Variants in POU3F3 observed in about 807,000 individuals in gnomAD.
POU3F3 encodes POU class 3 homeobox 3.
POU3F3 carries 1 observed loss-of-function variant against 8.6 expected under a neutral mutation model. The ratio of observed to expected loss-of-function variants is 0.12; its 90% CI spans 0.04 to 0.55. The LOEUF is 0.55. Among genes scored for constraint, POU3F3 ranks in the 20% least tolerant of loss-of-function variants. The pLI is 0.91. For missense variants in POU3F3, 577 were observed against 690.7 expected (o/e 0.84, Z 1.84); for synonymous variants, 418 against 327.4 (o/e 1.28, Z -2.99).
the POU3F3 span, among the ~76,000 whole-genome samples, chr2:104,927,407 A>G: frequency 6.6e-6 from 1 of 152,128 alleles, no homozygotes; most frequent in Non-Finnish European, 1.5e-5. Context: ...AAGGGGGTAG[A>G]GAGAGAAAAG....
the POU3F3 span, among the ~76,000 whole-genome samples, chr2:104,924,846 C>A: frequency 2.0e-5 from 3 of 152,090 alleles, 1 homozygote; most frequent in Non-Finnish European, 4.4e-5. Flanking sequence ...CAAAATTTTG[C>A]CAGTTTGTAA....
At chr2:104,875,496 C>T in the POU3F3 span, among the ~76,000 whole-genome samples, 4 of 152,184 alleles carry the variant, frequency 2.6e-5, no homozygotes, top group Admixed American at 6.5e-5. Context: ...CACCAACACA[C>T]CAACACTTGT....
At chr2:104,877,979 A>G in the POU3F3 span, among the ~76,000 whole-genome samples, 1 of 152,176 alleles carries the variant, frequency 6.6e-6, no homozygotes, top group Non-Finnish European at 1.5e-5. Flanking sequence ...TAAGCTGTAC[A>G]ATGACCCTTC....
At chr2:104,878,056 G>A in the POU3F3 span, among the ~76,000 whole-genome samples, 1 of 152,198 alleles carries the variant, frequency 6.6e-6, no homozygotes, top group Non-Finnish European at 1.5e-5. Context: ...CCTCCTGGAT[G>A]CTGGCAGTTA....
At chr2:104,878,143 G>T in the POU3F3 span, among the ~76,000 whole-genome samples, 3 of 152,184 alleles carry the variant, frequency 2.0e-5, no homozygotes, top group African/African-American at 4.8e-5. Flanking sequence ...GGCTGAATTG[G>T]CTGGTTTCTA....
chr2:104,855,905 G>T lies in POU3F3; in HGVS notation c.395G>T (p.Ser132Ile). Reference sequence around the variant, plus strand: ...GGCAGCGCCGTGGGCATGGCTGGCAGCCCCCAGCAGCCACCGCAGCCGCCG... The same window carrying T: ...GGCAGCGCCGTGGGCATGGCTGGCATCCCCCAGCAGCCACCGCAGCCGCCG... ...WSGSAVGMAG[S>I]PQQPPQPPPP... The change falls in exon 1 of 1, where the codon AGC (serine) becomes ATC (isoleucine). Residue 132 changes from serine to isoleucine, a missense_variant. Physicochemically the swap from Ser to Ile is moderately radical, Grantham distance 142. Transcript: ENST00000361360. The T allele has an allele frequency of 9.4e-7, 1 of 1,058,678 alleles. No individual in the cohort carries two copies. The highest frequency in any genetic ancestry group is 1.1e-6 in the Non-Finnish European group (1 of 880,322). 65.6% of individuals were successfully genotyped at this position (1,058,678 alleles called of 1,614,324 possible).
At chr2:104,886,677 G>A in the POU3F3 span, among the ~76,000 whole-genome samples, 1 of 152,172 alleles carries the variant, frequency 6.6e-6, no homozygotes, top group Non-Finnish European at 1.5e-5. Flanking sequence ...AGAGGCTGAG[G>A]TAGGTGGATC....
chr2:104,869,083 G>A, the POU3F3 span, among the ~76,000 whole-genome samples: 4 of 152,234 alleles, frequency 2.6e-5, no homozygotes, highest in Non-Finnish European at 5.9e-5. Flanking sequence ...AACCTCAGTG[G>A]AATGAAATGG....
Position 104,857,202 on chromosome 2 carries a change from GGCATGC to G in POU3F3, c.*190_*195del. ...CCGCCCTCCCCTCCACCCAGAGACA[GGCATGC>G]CCGCCCTTGGAGGAGAAAACGCGGG... On this transcript the variant is annotated 3_prime_UTR_variant, in exon 1 of 1. Transcript: ENST00000361360. The G allele has an allele frequency of 1.7e-6, 1 of 586,098 alleles. No individual in the cohort carries two copies. The highest frequency in any genetic ancestry group is 2.2e-6 in the Non-Finnish European group (1 of 464,066). 36.3% of individuals were successfully genotyped at this position (586,098 alleles called of 1,614,324 possible).
chr2:104,883,464 C>T, the POU3F3 span, among the ~76,000 whole-genome samples: 5 of 152,182 alleles, frequency 3.3e-5, no homozygotes, highest in Non-Finnish European at 7.3e-5. Flanking sequence ...AGGGCTGAAA[C>T]CAGCAGGTCT....
chr2:104,922,241 C>G, the POU3F3 span, among the ~76,000 whole-genome samples: 1 of 151,672 alleles, frequency 6.6e-6, no homozygotes, highest in African/African-American at 2.4e-5. Context: ...GTCTTGTTTT[C>G]AATTTAATAA....
chr2:104,922,728 T>C, the POU3F3 span, among the ~76,000 whole-genome samples: 7 of 152,180 alleles, frequency 4.6e-5, no homozygotes, highest in African/African-American at 1.7e-4. Flanking sequence ...AGAGAGAGAC[T>C]GGGGCAAAGA....
the POU3F3 span, among the ~76,000 whole-genome samples, chr2:104,887,011 AT>A: frequency 2.6e-5 from 4 of 152,136 alleles, no homozygotes; most frequent in African/African-American, 9.7e-5. Flanking sequence ...CTGGTTGCCC[AT>A]TTTTTTGGTT....
At chr2:104,883,164 C>A in the POU3F3 span, among the ~76,000 whole-genome samples, 1 of 152,148 alleles carries the variant, frequency 6.6e-6, no homozygotes, top group African/African-American at 2.4e-5. Context: ...AGAAAAGGAG[C>A]CTGCATTTCT....
At chr2:104,909,378 G>A in the POU3F3 span, among the ~76,000 whole-genome samples, 1 of 152,198 alleles carries the variant, frequency 6.6e-6, no homozygotes, top group Non-Finnish European at 1.5e-5. Flanking sequence ...ACCCACAAAT[G>A]GTACCCTGGG....
chr2:104,891,021 G>A, the POU3F3 span, among the ~76,000 whole-genome samples: 66 of 152,320 alleles, frequency 4.3e-4, 1 homozygote, highest in African/African-American at 1.4e-3. Context: ...AGCCCTGAGC[G>A]AGTTCCCTCA....
the POU3F3 span, among the ~76,000 whole-genome samples, chr2:104,915,700 T>G: frequency 2.6e-5 from 4 of 151,392 alleles, no homozygotes; most frequent in Admixed American, 2.6e-4. Flanking sequence ...CCACTGATCT[T>G]CAATGCCATT....
the POU3F3 span, among the ~76,000 whole-genome samples, chr2:104,924,328 G>A: frequency 6.6e-6 from 1 of 152,174 alleles, no homozygotes; most frequent in South Asian, 2.1e-4. Context: ...AACTAAGGAA[G>A]GGCATGATTA....
At chr2:104,916,142 C>T in the POU3F3 span, among the ~76,000 whole-genome samples, 1 of 151,972 alleles carries the variant, frequency 6.6e-6, no homozygotes. Context: ...ACACAGAAGA[C>T]TGTCTAATTC....
Sources: gnomAD v4.1 joint callset for allele counts (sites outside exome capture counted in the v4.1 genomes callset) on GRCh38, gnomAD v4.1.1 for gene constraint, MANE v1.5 for transcripts, NCBI Gene and HGNC (gene_info 2026-07-23, HGNC 2026-07-21) for gene names.